ZEB1: variants seen among roughly 807,000 people sequenced by gnomAD.
ZEB1 encodes the protein zinc finger E-box-binding homeobox 1.
Under a neutral mutation model 84.9 loss-of-function variants are expected in ZEB1, and 21 were observed. That is an observed-to-expected ratio of 0.25 (90% CI 0.18 to 0.36). The LOEUF is 0.36. ZEB1 is among the 10% of genes least tolerant of loss of function. The pLI is 1.00. For missense variants in ZEB1, 1,104 were observed against 1,330.2 expected (o/e 0.83, Z 2.65); for synonymous variants, 420 against 471.1 (o/e 0.89, Z 1.41).
At chr10:31,427,385 C>T (rs1364090909) in intron 1 of ZEB1, among the ~76,000 whole-genome samples, 2 of 151,872 alleles carry the variant, frequency 1.3e-5, no homozygotes, top group African/African-American at 2.4e-5. Context: ...AGGTATAAGC[C>T]GAAAAAGGGA....
chr10:31,479,446 C>G (rs1254746020), intron 2 of ZEB1, among the ~76,000 whole-genome samples: 2 of 151,742 alleles, frequency 1.3e-5, no homozygotes, highest in Non-Finnish European at 3.0e-5. Context: ...AATAAGAACA[C>G]AAGAAAATTA....
intron 4 of ZEB1, among the ~76,000 whole-genome samples, chr10:31,504,304 C>T (rs2068580872): frequency 1.5e-5 from 1 of 67,640 alleles, no homozygotes; most frequent in South Asian, 6.1e-4. Flanking sequence ...CTGTTCTCTT[C>T]CACTGGTCTG....
chr10:31,418,180 A>G (rs968856432), intron 1 of ZEB1, among the ~76,000 whole-genome samples: 7 of 151,924 alleles, frequency 4.6e-5, no homozygotes, highest in Non-Finnish European at 7.4e-5. Context: ...AAAGAGTGCC[A>G]CCCTAAACCT....
At chr10:31,386,349 A>G (rs1156478025) in intron 1 of ZEB1, among the ~76,000 whole-genome samples, 1 of 151,644 alleles carries the variant, frequency 6.6e-6, no homozygotes, top group Non-Finnish European at 1.5e-5. Context: ...CCTAACAGTT[A>G]TTTAATATAT....
intron 1 of ZEB1, among the ~76,000 whole-genome samples, chr10:31,390,192 G>A (rs767977067): frequency 2.0e-5 from 3 of 152,110 alleles, no homozygotes; most frequent in African/African-American, 7.2e-5. Context: ...CTGCTTATTC[G>A]AAATTCAAAT....
chr10:31,319,336 C>T, intron 1 of ZEB1, 44 bp downstream of exon 1: 53 of 1,585,440 alleles, frequency 3.3e-5, no homozygotes, highest in Non-Finnish European at 4.3e-5. Flanking sequence ...TCAGGGGGAG[C>T]TGGGCAGCCG....
chr10:31,526,121 C>T (rs556951065), intron 8 of ZEB1, among the ~76,000 whole-genome samples: 196 of 151,874 alleles, frequency 1.3e-3, no homozygotes, highest in African/African-American at 4.6e-3. Context: ...TCTTAGGGGG[C>T]AAAAAAGTCT....
At chr10:31,504,528 T>C (rs2068630656) in intron 4 of ZEB1, among the ~76,000 whole-genome samples, 2 of 152,144 alleles carry the variant, frequency 1.3e-5, no homozygotes, top group South Asian at 4.1e-4. Context: ...GGATTGAATC[T>C]GTAGATCGCT....
At chr10:31,319,020 T>G (rs991128330), upstream of ZEB1, 7 of 602,430 alleles carry the variant, frequency 1.2e-5, no homozygotes, top group Admixed American at 1.6e-4. Flanking sequence ...AATTCAGCAG[T>G]GCCCACGGTT....
intron 1 of ZEB1, among the ~76,000 whole-genome samples, chr10:31,338,856 C>T (rs568662562): frequency 3.3e-5 from 5 of 151,902 alleles, no homozygotes; most frequent in South Asian, 2.1e-4. Flanking sequence ...TTAACAGTAG[C>T]GTGTATAAAT....
intron 1 of ZEB1, among the ~76,000 whole-genome samples, chr10:31,376,242 A>G (rs1314343730): frequency 6.6e-6 from 1 of 151,784 alleles, no homozygotes; most frequent in East Asian, 1.9e-4. Context: ...ATAGTGGCTT[A>G]TGATATTATA....
chr10:31,365,245 T>A (rs2134251738), intron 1 of ZEB1, among the ~76,000 whole-genome samples: 1 of 152,344 alleles, frequency 6.6e-6, no homozygotes, highest in Non-Finnish European at 1.5e-5. Context: ...ATGACAAACA[T>A]AATTTGGTCA....
chr10:31,483,637 T>C (rs1269042823), intron 2 of ZEB1, among the ~76,000 whole-genome samples: 1 of 151,964 alleles, frequency 6.6e-6, no homozygotes, highest in African/African-American at 2.4e-5. Flanking sequence ...ATTTTCAGAT[T>C]CATAGTATCT....
chr10:31,389,139 G>A (rs570143031), intron 1 of ZEB1, among the ~76,000 whole-genome samples: 12 of 152,072 alleles, frequency 7.9e-5, no homozygotes, highest in African/African-American at 2.4e-4. Flanking sequence ...AGATCTTGCC[G>A]TCTGTATCTA....
intron 1 of ZEB1, among the ~76,000 whole-genome samples, chr10:31,452,677 G>T (rs1308775597): frequency 6.6e-6 from 1 of 151,130 alleles, no homozygotes; most frequent in African/African-American, 2.4e-5. Context: ...AAGGCAGTAT[G>T]CCAGTGACTG....
intron 6 of ZEB1, 141 bp downstream of exon 6, chr10:31,514,849 T>C: frequency 1.5e-6 from 1 of 679,952 alleles, no homozygotes; most frequent in Non-Finnish European, 2.5e-6. Context: ...AAATTTTATG[T>C]TTATTTTATG....
intron 2 of ZEB1, among the ~76,000 whole-genome samples, chr10:31,487,869 TTGAAATGA>T (rs2065945439): frequency 1.3e-5 from 2 of 151,388 alleles, no homozygotes; most frequent in Non-Finnish European, 1.5e-5. Context: ...TCTGCATCAA[TTGAAATGA>T]TCATATGGTT....
At chr10:31,399,553 AC>A (rs2051510329) in intron 1 of ZEB1, among the ~76,000 whole-genome samples, 2 of 152,056 alleles carry the variant, frequency 1.3e-5, no homozygotes, top group Non-Finnish European at 2.9e-5. Flanking sequence ...TACTCCTACA[AC>A]CCTGATCCAA....
intron 1 of ZEB1, among the ~76,000 whole-genome samples, chr10:31,335,600 G>A (rs923895066): frequency 3.3e-5 from 5 of 152,132 alleles, no homozygotes; most frequent in African/African-American, 1.2e-4. Flanking sequence ...CAGTAAATGA[G>A]AAGGCCCCTT....
Sources: allele counts gnomAD v4.1 joint callset (sites outside exome capture counted in the v4.1 genomes callset), GRCh38; gene constraint gnomAD v4.1.1; transcripts MANE v1.5; gene names NCBI Gene and HGNC (gene_info 2026-07-23, HGNC 2026-07-21).